Variants in SUGCT observed in about 807,000 individuals in gnomAD.
The protein encoded by SUGCT is succinyl-CoA:glutarate-CoA transferase.
Under a neutral mutation model 55.0 loss-of-function variants are expected in SUGCT, and 41 were observed. The ratio of observed to expected loss-of-function variants is 0.74; its 90% CI spans 0.58 to 0.97. SUGCT has a LOEUF of 0.97. Among genes scored for constraint, SUGCT ranks in the 50% least tolerant of loss-of-function variants. SUGCT has a pLI of 0.00. For synonymous variants in SUGCT, 187 were observed against 200.4 expected, an observed-to-expected ratio of 0.93 and a Z score of 0.56; for missense variants, 568 against 547.8, an observed-to-expected ratio of 1.04 and a Z score of -0.37.
the SUGCT span, among the ~76,000 whole-genome samples, chr7:40,892,542 GT>G: frequency 6.6e-6 from 1 of 152,028 alleles, no homozygotes; most frequent in South Asian, 2.1e-4. Flanking sequence ...TAAAATTAAA[GT>G]TTTTTTTAGA....
At chr7:41,030,392 G>A in the SUGCT span, among the ~76,000 whole-genome samples, 4 of 151,972 alleles carry the variant, frequency 2.6e-5, no homozygotes, top group Non-Finnish European at 5.9e-5. Flanking sequence ...CATCCTTTAG[G>A]AGTTCATTTA....
intron 1 of SUGCT, chr7:40,141,923 C>A: frequency 9.8e-6 from 3 of 306,816 alleles, no homozygotes; most frequent in South Asian, 3.0e-5. Flanking sequence ...ATCCCTGATG[C>A]ACGTGGCCCC....
intron 12 of SUGCT, among the ~76,000 whole-genome samples, chr7:40,603,130 A>G (rs1176332810): frequency 1.3e-5 from 2 of 152,326 alleles, no homozygotes; most frequent in South Asian, 2.1e-4. Context: ...TTTTAAGAAT[A>G]TGTAACCTCT....
chr7:40,135,132 G>T lies in SUGCT; in HGVS notation c.100+12G>T. On this transcript the variant is annotated intron_variant, in intron 1 of 13. Coordinates refer to ENST00000335693, the MANE Select transcript of SUGCT (RefSeq NM_001193313.2). The stretch of plus-strand genomic sequence containing the variant: ...CCGCCCGCAGTCAGGTACCCTCCGA[G>T]ATTCGGTCTGGGTGGCTAAAGGGAT... 1 of 1,545,488 alleles carries T rather than the reference G, an allele frequency of 6.5e-7. No individual in the cohort carries two copies. Among genetic ancestry groups the T allele is most frequent in the Non-Finnish European group, 8.7e-7 (1 of 1,145,456 alleles).
the SUGCT span, among the ~76,000 whole-genome samples, chr7:41,023,402 A>G: frequency 1.3e-5 from 2 of 152,198 alleles, no homozygotes; most frequent in African/African-American, 4.8e-5. Flanking sequence ...AAAAGAAAAA[A>G]CATACATTAA....
chr7:40,745,780 A>G (rs896681422), intron 12 of SUGCT, among the ~76,000 whole-genome samples: 1 of 152,228 alleles, frequency 6.6e-6, no homozygotes, highest in Non-Finnish European at 1.5e-5. Flanking sequence ...TTCTGGAGAA[A>G]TTCCCTGCCT....
chr7:40,249,331 A>ATC lies in SUGCT; in HGVS notation c.576+11606_576+11607insCT, dbSNP rs1562612120. 3.3e-3 allele frequency among the ~76,000 whole-genome samples: 383 copies of ATC among 115,900 alleles called. 8 individuals carry two copies. The highest frequency in any genetic ancestry group is 8.6e-3 in the Middle Eastern group (2 of 232). 76.0% of individuals were successfully genotyped at this position (115,900 alleles called of 152,430 possible). On this transcript the variant is annotated intron_variant, in intron 7 of 13. Transcript: ENST00000335693. ...CAAAAAGCTATATATATATATATATATATATATATATATATAATTATATTA... is the reference window on the plus strand; with the variant it reads ...CAAAAAGCTATATATATATATATATATCTATATATATATATATAATTATATTA...
At position 40,570,886 on chromosome 7, in the gene SUGCT, G is replaced by A. The variant is rs556788552; in HGVS notation, c.1089+74500G>A. ...TTTTTTTTTTTTTTTTTCAGTTGGA[G>A]CTTTGCTCTGTTGCCCAGGCTGGAG... On this transcript the variant is annotated intron_variant, in intron 12 of 13. Coordinates refer to ENST00000335693, the MANE Select transcript of SUGCT (RefSeq NM_001193313.2). Among the ~76,000 whole-genome samples, 8 of 100,906 alleles carry A rather than the reference G, an allele frequency of 7.9e-5. No individual in the cohort carries two copies. In the South Asian group the frequency reaches 1.5e-3, roughly 19 times the overall value. 66.2% of individuals were successfully genotyped at this position (100,906 alleles called of 152,430 possible).
chr7:40,932,539 T>C, the SUGCT span, among the ~76,000 whole-genome samples: 2 of 151,578 alleles, frequency 1.3e-5, no homozygotes, highest in African/African-American at 2.4e-5. Context: ...AAGTCTCCCA[T>C]TATTATTGTG....
chr7:40,477,183 A>G (rs372542211), intron 11 of SUGCT, among the ~76,000 whole-genome samples: 29 of 152,318 alleles, frequency 1.9e-4, no homozygotes, highest in African/African-American at 5.8e-4. Context: ...TTATTATCAT[A>G]TTATACATTC....
At chr7:40,297,255 A>G (rs1794217902) in intron 8 of SUGCT, among the ~76,000 whole-genome samples, 4 of 152,070 alleles carry the variant, frequency 2.6e-5, no homozygotes. Flanking sequence ...TTTTTACCTA[A>G]AGCGTTTACT....
chr7:40,811,181 T>C (rs1791391658), intron 13 of SUGCT, among the ~76,000 whole-genome samples: 1 of 152,210 alleles, frequency 6.6e-6, no homozygotes, highest in Admixed American at 6.5e-5. Context: ...TATAATATAG[T>C]TTGAAGTCAC....
chr7:40,506,391 T>C (rs1472392562), intron 12 of SUGCT, among the ~76,000 whole-genome samples: 1 of 152,152 alleles, frequency 6.6e-6, no homozygotes, highest in Non-Finnish European at 1.5e-5. Flanking sequence ...TTGAGTGTAA[T>C]GTATCATTTT....
At chr7:40,988,696 TTAAAGA>T in the SUGCT span, among the ~76,000 whole-genome samples, 6 of 152,154 alleles carry the variant, frequency 3.9e-5, no homozygotes, top group South Asian at 2.1e-4. Context: ...GAGAAAAGCG[TTAAAGA>T]TAAACTAAAG....
the SUGCT span, among the ~76,000 whole-genome samples, chr7:40,975,511 A>G: frequency 1.3e-5 from 2 of 152,242 alleles, no homozygotes; most frequent in South Asian, 2.1e-4. Context: ...TTTTCTGTAT[A>G]TGATACAAAT....
intron 9 of SUGCT, 101 bp downstream of exon 9, chr7:40,316,956 T>TTTTTTTTG: frequency 4.0e-6 from 1 of 249,792 alleles, no homozygotes; most frequent in East Asian, 7.6e-5. Flanking sequence ...CCTTCAGCTG[T>TTTTTTTTG]TTTTTTTTTT....
At chr7:40,939,064 A>G in the SUGCT span, among the ~76,000 whole-genome samples, 4 of 152,200 alleles carry the variant, frequency 2.6e-5, no homozygotes, top group East Asian at 5.8e-4. Flanking sequence ...CTGCTGATAA[A>G]GACCCGAGAC....
intron 6 of SUGCT, among the ~76,000 whole-genome samples, chr7:40,206,135 G>C (rs1299741055): frequency 6.6e-6 from 1 of 152,156 alleles, no homozygotes; most frequent in Non-Finnish European, 1.5e-5. Context: ...AAACATGCCA[G>C]GACTTAGCCA....
intron 13 of SUGCT, among the ~76,000 whole-genome samples, chr7:40,812,363 G>A (rs1791466493): frequency 6.6e-6 from 1 of 152,028 alleles, no homozygotes; most frequent in Admixed American, 6.6e-5. Context: ...GGCTTTTTCT[G>A]ATTGGTAGTT....
Sources: gnomAD v4.1 joint callset for allele counts (sites outside exome capture counted in the v4.1 genomes callset) on GRCh38, gnomAD v4.1.1 for gene constraint, MANE v1.5 for transcripts, NCBI Gene and HGNC (gene_info 2026-07-23, HGNC 2026-07-21) for gene names.